Variants in STYXL2 observed in about 807,000 individuals in gnomAD.
The protein encoded by STYXL2 is serine/threonine/tyrosine interacting like 2.
Under a neutral mutation model 52.4 loss-of-function variants are expected in STYXL2, and 44 were observed. That is an observed-to-expected ratio of 0.84 (90% CI 0.66 to 1.08). The LOEUF (loss-of-function observed/expected upper bound fraction) is 1.08, where lower values mean the gene tolerates loss of function less well. Among genes scored for constraint, STYXL2 ranks in the 50% least tolerant of loss-of-function variants. The pLI, the probability that STYXL2 is intolerant of heterozygous loss-of-function variation, is 0.00. For synonymous variants in STYXL2, 604 were observed against 586.9 expected, an observed-to-expected ratio of 1.03 and a Z score of -0.42; for missense variants, 1,604 against 1,471.7, an observed-to-expected ratio of 1.09 and a Z score of -1.47.
intron 4 of STYXL2, among the ~76,000 whole-genome samples, chr1:167,118,980 C>A (rs1260509779): frequency 1.3e-5 from 2 of 152,254 alleles, no homozygotes; most frequent in Non-Finnish European, 2.9e-5. Flanking sequence ...GTCTCTGGAT[C>A]ATTCAAATGT....
In STYXL2 at chr1:167,127,031, C is replaced by T. The variant is rs772856160; in HGVS notation, c.1900C>T (p.Arg634Trp). The change falls in exon 6 of 6, where the codon CGG (arginine) becomes TGG (tryptophan). Residue 634 changes from arginine to tryptophan, a missense_variant. Physicochemically the swap from Arg to Trp is moderately radical, Grantham distance 101 (BLOSUM62 -3). Coordinates refer to ENST00000361200, the MANE Select transcript of STYXL2 (RefSeq NM_001080426.3). ...QRRLELLERS[R>W]QTLEESQSMA... ...GAGGCTGGAGCTGCTGGAGAGAAGC[C>T]GGCAGACGCTGGAGGAGAGCCAGTC... 8.7e-6 allele frequency: 14 copies of T among 1,606,584 alleles called. No homozygotes were observed. The highest frequency in any genetic ancestry group is 3.4e-5 in the Admixed American group (2 of 59,586).
rs1667998276 is a variant in STYXL2, at chr1:167,127,382, G to A, written c.2251G>A (p.Val751Ile). Residue 751 changes from valine to isoleucine, a missense_variant, in exon 6 of 6, where the codon GTT (valine) becomes ATT (isoleucine). By Grantham distance (29) the Val-to-Ile change is conservative (BLOSUM62 3). Transcript: ENST00000361200. ...GCTGCTGTTGTCCCGCTCACCGTCT[G>A]TTGCAAGCATGAAGGCAGTACCAGC... ...EMLLLSRSPS[V>I]ASMKAVPAAS... is the part of the protein sequence containing the mutation. The A allele has an allele frequency of 6.2e-7, 1 of 1,614,212 alleles. No homozygotes were observed. The highest frequency in any genetic ancestry group is 8.5e-7 in the Non-Finnish European group (1 of 1,180,048).
chr1:167,095,020 G>A (rs1378322079), intron 2 of STYXL2, 61 bp downstream of exon 2: 4 of 1,331,646 alleles, frequency 3.0e-6, no homozygotes, highest in Non-Finnish European at 4.2e-6. Flanking sequence ...GGGACAGGTT[G>A]GGCCATTAGC....
At chr1:167,115,047 G>C (rs1022694547) in intron 3 of STYXL2, among the ~76,000 whole-genome samples, 1 of 151,870 alleles carries the variant, frequency 6.6e-6, no homozygotes, top group Non-Finnish European at 1.5e-5. Flanking sequence ...GAATTGAGGG[G>C]AGAAAAAAAA....
chr1:167,122,751 C>T (rs954380737), intron 5 of STYXL2, among the ~76,000 whole-genome samples: 13 of 152,100 alleles, frequency 8.5e-5, no homozygotes, highest in South Asian at 2.1e-4. Context: ...TCACTACCTC[C>T]GCCTCCCAGA....
At chr1:167,125,398 A>AAGCCACCGCGACC (rs1667940628) in intron 5 of STYXL2, among the ~76,000 whole-genome samples, 1 of 152,194 alleles carries the variant, frequency 6.6e-6, no homozygotes. Context: ...TCTCAAGTTT[A>AAGCCACCGCGACC]GGATGTGACT....
At chr1:167,105,513 T>C (rs16858452) in intron 2 of STYXL2, among the ~76,000 whole-genome samples, 25,683 of 152,104 alleles carry the variant, frequency 0.17, 2,413 homozygotes, top group Middle Eastern at 0.22. Context: ...GGTATGCCAG[T>C]TGGGACACAG....
At position 167,125,834 on chromosome 1, in the gene STYXL2, C is replaced by T; in HGVS notation, c.703C>T (p.Leu235=). ...SEMGISRSAV[L]VVAYLMIFHN... ...AATGGGCATCAGCCGGTCAGCAGTG[C>T]TGGTGGTCGCCTACCTGATGATCTT... Residue 235 remains leucine, a synonymous_variant, in exon 6 of 6, where the codon CTG becomes TTG. Coordinates refer to ENST00000361200, the MANE Select transcript of STYXL2 (RefSeq NM_001080426.3). 1 of 1,612,902 alleles carries T rather than the reference C, an allele frequency of 6.2e-7. No homozygotes were observed. The highest frequency in any genetic ancestry group is 8.5e-7 in the Non-Finnish European group (1 of 1,179,526).
intron 1 of STYXL2, 57 bp from the exon 2 acceptor site, chr1:167,094,777 C>T (rs1216958637): frequency 8.0e-7 from 1 of 1,253,326 alleles, no homozygotes; most frequent in Non-Finnish European, 1.1e-6. Context: ...AACTTCTCCC[C>T]CAACAAAACC....
chr1:167,109,174 A>T (rs1240793070), intron 2 of STYXL2, among the ~76,000 whole-genome samples: 2 of 152,158 alleles, frequency 1.3e-5, no homozygotes, highest in Non-Finnish European at 2.9e-5. Context: ...CAGAATGGGG[A>T]TGGGGGAATG....
At chr1:167,118,913 A>G (rs1667788876) in intron 4 of STYXL2, among the ~76,000 whole-genome samples, 2 of 152,218 alleles carry the variant, frequency 1.3e-5, no homozygotes, top group Non-Finnish European at 2.9e-5. Context: ...ATTTGTGCCT[A>G]CCACTTTTGT....
At chr1:167,102,220 G>T (rs767029784) in intron 2 of STYXL2, among the ~76,000 whole-genome samples, 49 of 151,992 alleles carry the variant, frequency 3.2e-4, no homozygotes, top group Middle Eastern at 3.2e-3. Flanking sequence ...TGCAGTGATG[G>T]CTTCACGGAT....
At chr1:167,113,002 T>G (rs1667649124) in intron 2 of STYXL2, among the ~76,000 whole-genome samples, 1 of 152,122 alleles carries the variant, frequency 6.6e-6, no homozygotes, top group Admixed American at 6.5e-5. Flanking sequence ...CAGTCCCAGG[T>G]CTTGTGTCTG....
intron 5 of STYXL2, among the ~76,000 whole-genome samples, chr1:167,123,850 C>G (rs1003222151): frequency 6.6e-6 from 1 of 152,210 alleles, no homozygotes; most frequent in Non-Finnish European, 1.5e-5. Flanking sequence ...TCTTGAATTC[C>G]TGGCCTCAAG....
At position 167,125,826 on chromosome 1, in the gene STYXL2, C is replaced by A. The variant is rs780982563; in HGVS notation, c.695C>A (p.Ser232Ter). ...LVSSEMGISR[S>*]AVLVVAYLMI... Reference sequence around the variant, plus strand: ...AGCAGCGAAATGGGCATCAGCCGGTCAGCAGTGCTGGTGGTCGCCTACCTG... The same window carrying A: ...AGCAGCGAAATGGGCATCAGCCGGTAAGCAGTGCTGGTGGTCGCCTACCTG... Residue 232 changes from serine to a stop codon, truncating the protein, a stop_gained, in exon 6 of 6, where the codon TCA becomes TAA. Coordinates refer to ENST00000361200, the MANE Select transcript of STYXL2 (RefSeq NM_001080426.3). LOFTEE classifies it low-confidence loss of function (END_TRUNC). The A allele has an allele frequency of 6.2e-7, 1 of 1,611,260 alleles. No homozygotes were observed. The highest frequency in any genetic ancestry group is 2.2e-5 in the East Asian group (1 of 44,800).
chr1:167,127,317 A>T lies in STYXL2; in HGVS notation c.2186A>T (p.Asn729Ile), dbSNP rs139295413. Residue 729 changes from asparagine (N) to isoleucine (I), a missense_variant, in exon 6 of 6, where the codon AAT becomes ATT. Physicochemically the swap from Asn to Ile is moderately radical, Grantham distance 149. Coordinates refer to ENST00000361200, the MANE Select transcript of STYXL2 (RefSeq NM_001080426.3). ...GCCAGTATCCAGAACTGGATTGCCA[A>T]TGTAGTCAGTGAGACCCTTGCTCAG... is the stretch of plus-strand genomic sequence containing the variant. ...SIASIQNWIA[N>I]VVSETLAQKQ... The T allele has an allele frequency of 1.9e-6, 3 of 1,614,210 alleles. No homozygotes were observed. Among genetic ancestry groups the T allele is most frequent in the Non-Finnish European group, 2.5e-6 (3 of 1,180,040 alleles).
intron 2 of STYXL2, among the ~76,000 whole-genome samples, chr1:167,104,473 C>T (rs867519483): frequency 1.6e-4 from 24 of 152,186 alleles, no homozygotes; most frequent in African/African-American, 5.5e-4. Flanking sequence ...CTTCCTGTGG[C>T]GAGCAAGCAT....
chr1:167,095,912 C>T (rs750660016), intron 2 of STYXL2, among the ~76,000 whole-genome samples: 1 of 152,100 alleles, frequency 6.6e-6, no homozygotes, highest in Non-Finnish European at 1.5e-5. Flanking sequence ...AAGGCTTCCC[C>T]AGTGGAGTAA....
chr1:167,124,429 C>T (rs1466114503), intron 5 of STYXL2, among the ~76,000 whole-genome samples: 1 of 152,190 alleles, frequency 6.6e-6, no homozygotes, highest in Non-Finnish European at 1.5e-5. Context: ...TAGCAAACAT[C>T]CCCAAAGACT....
Sources: gnomAD v4.1 joint callset for allele counts (sites outside exome capture counted in the v4.1 genomes callset) on GRCh38, gnomAD v4.1.1 for gene constraint, MANE v1.5 for transcripts, NCBI Gene and HGNC (gene_info 2026-07-23, HGNC 2026-07-21) for gene names.